Variants in TMEM178B observed in about 807,000 individuals in gnomAD.
TMEM178B encodes the protein transmembrane protein 178B.
TMEM178B carries 5 observed loss-of-function variants against 31.0 expected under a neutral mutation model. The observed-to-expected ratio is 0.16, with a 90% CI of 0.08 to 0.34. TMEM178B has a LOEUF of 0.34. Among genes scored for constraint, TMEM178B ranks in the 10% least tolerant of loss-of-function variants. TMEM178B has a pLI of 1.00. For synonymous variants in TMEM178B, 164 were observed against 164.0 expected, an observed-to-expected ratio of 1.00 and a Z score of 0.00; for missense variants, 275 against 400.3, an observed-to-expected ratio of 0.69 and a Z score of 2.67.
intron 2 of TMEM178B, among the ~76,000 whole-genome samples, chr7:141,396,166 A>G (rs984816940): frequency 5.9e-5 from 9 of 152,136 alleles, no homozygotes; most frequent in African/African-American, 2.2e-4. Context: ...TGGCCATGCC[A>G]TCACAGCAGG....
chr7:141,454,595 C>T (rs1029905765), intron 3 of TMEM178B, among the ~76,000 whole-genome samples: 1 of 137,208 alleles, frequency 7.3e-6, no homozygotes, highest in African/African-American at 3.1e-5. Flanking sequence ...TCTCCTCTCT[C>T]TCCTCTCCTT....
At chr7:141,449,014 A>G (rs1716491423) in intron 3 of TMEM178B, among the ~76,000 whole-genome samples, 2 of 152,142 alleles carry the variant, frequency 1.3e-5, no homozygotes, top group African/African-American at 4.8e-5. Flanking sequence ...GATTCCTCCA[A>G]TAGCCCTTTC....
At chr7:141,481,208 G>A (rs1181647061), downstream of TMEM178B, among the ~76,000 whole-genome samples, 3 of 152,164 alleles carry the variant, frequency 2.0e-5, no homozygotes, top group Non-Finnish European at 4.4e-5. Context: ...CCTCTCTCAG[G>A]CAGTAGCTCT....
At chr7:141,401,556 C>A (rs189487467) in intron 2 of TMEM178B, among the ~76,000 whole-genome samples, 1 of 152,122 alleles carries the variant, frequency 6.6e-6, no homozygotes, top group Non-Finnish European at 1.5e-5. Context: ...GCTGGGACTA[C>A]GGGTGCATGC....
At chr7:141,300,368 A>C (rs138343982) in intron 2 of TMEM178B, among the ~76,000 whole-genome samples, 1 of 152,164 alleles carries the variant, frequency 6.6e-6, no homozygotes, top group Non-Finnish European at 1.5e-5. Context: ...GTGATCAAGC[A>C]ATGGTAGTCC....
Position 141,437,756 on chromosome 7 carries a change from G to GTA in TMEM178B, c.634+11_634+12insTA. On this transcript the variant is annotated intron_variant, in intron 3 of 3. Coordinates refer to ENST00000565468, the MANE Select transcript of TMEM178B (RefSeq NM_001195278.2). ...TCTTCCTCATGGGAGGTAAGGCTAC[G>GTA]GGCTCGGCTTGTGGGTGGCAGTGGA... 1 of 1,535,698 alleles carries GTA rather than the reference G, an allele frequency of 6.5e-7. No individual in the cohort carries two copies. The highest frequency in any genetic ancestry group is 8.7e-7 in the Non-Finnish European group (1 of 1,146,718).
intron 2 of TMEM178B, among the ~76,000 whole-genome samples, chr7:141,264,760 A>C (rs1352589255): frequency 6.6e-6 from 1 of 152,198 alleles, no homozygotes; most frequent in East Asian, 1.9e-4. Flanking sequence ...GTTGGAAATA[A>C]CTTGCTCTGG....
intron 3 of TMEM178B, 22 bp downstream of exon 3, chr7:141,437,767 G>C (rs1319522558): frequency 5.9e-6 from 9 of 1,535,872 alleles, no homozygotes; most frequent in Non-Finnish European, 7.8e-6. Flanking sequence ...GGCTCGGCTT[G>C]TGGGTGGCAG....
At chr7:141,215,338 T>TTATTATTATTA (rs999641567) in intron 2 of TMEM178B, among the ~76,000 whole-genome samples, 2 of 24,928 alleles carry the variant, frequency 8.0e-5, no homozygotes, top group Non-Finnish European at 3.8e-4. Flanking sequence ...ATTATTATTA[T>TTATTATTATTA]TTTTTGAGAT....
At chr7:141,198,557 G>A (rs553105679) in intron 1 of TMEM178B, among the ~76,000 whole-genome samples, 1 of 152,276 alleles carries the variant, frequency 6.6e-6, no homozygotes, top group South Asian at 2.1e-4. Flanking sequence ...GTTTCCCTCT[G>A]GCCTGAGAGC....
At chr7:141,357,734 G>A (rs1799846132) in intron 2 of TMEM178B, among the ~76,000 whole-genome samples, 1 of 152,218 alleles carries the variant, frequency 6.6e-6, no homozygotes, top group African/African-American at 2.4e-5. Context: ...TACTTACAGT[G>A]TGAATAAAGA....
chr7:141,500,231 C>A, the TMEM178B span, among the ~76,000 whole-genome samples: 6 of 151,990 alleles, frequency 3.9e-5, no homozygotes, highest in Non-Finnish European at 8.8e-5. Context: ...ACACAAGATA[C>A]GAGCCCATTG....
At chr7:141,361,317 A>G (rs1799915146) in intron 2 of TMEM178B, among the ~76,000 whole-genome samples, 1 of 152,164 alleles carries the variant, frequency 6.6e-6, no homozygotes, top group Non-Finnish European at 1.5e-5. Flanking sequence ...AGCAACCCAA[A>G]TGGAGCACCA....
chr7:141,351,714 T>G (rs1195415392), intron 2 of TMEM178B, among the ~76,000 whole-genome samples: 1 of 152,220 alleles, frequency 6.6e-6, no homozygotes, highest in African/African-American at 2.4e-5. Context: ...TTACTTTATC[T>G]TCTCATCTCA....
intron 2 of TMEM178B, among the ~76,000 whole-genome samples, chr7:141,405,507 T>TC (rs1322359148): frequency 6.6e-6 from 1 of 152,244 alleles, no homozygotes; most frequent in African/African-American, 2.4e-5. Flanking sequence ...CCCAGCTATC[T>TC]CCCAGGCTGT....
intron 2 of TMEM178B, among the ~76,000 whole-genome samples, chr7:141,345,663 G>A (rs1799606337): frequency 6.6e-6 from 1 of 152,156 alleles, no homozygotes; most frequent in Admixed American, 6.5e-5. Flanking sequence ...TGCAAAAGGA[G>A]ATCTCATGTG....
intron 2 of TMEM178B, among the ~76,000 whole-genome samples, chr7:141,417,636 C>T (rs1230190955): frequency 6.6e-6 from 1 of 152,174 alleles, no homozygotes; most frequent in Non-Finnish European, 1.5e-5. Flanking sequence ...CACCTGTAAA[C>T]TCATCCACTT....
intron 2 of TMEM178B, among the ~76,000 whole-genome samples, chr7:141,306,047 A>G (rs1798810485): frequency 6.6e-6 from 1 of 152,200 alleles, no homozygotes; most frequent in Non-Finnish European, 1.5e-5. Flanking sequence ...ACCACGTAGC[A>G]TCCGGCATGT....
intron 2 of TMEM178B, among the ~76,000 whole-genome samples, chr7:141,230,337 C>A (rs966506156): frequency 6.6e-6 from 1 of 152,126 alleles, no homozygotes; most frequent in African/African-American, 2.4e-5. Context: ...CAAATTTTAC[C>A]TACATTGAAA....
Sources: allele counts gnomAD v4.1 joint callset (sites outside exome capture counted in the v4.1 genomes callset), GRCh38; gene constraint gnomAD v4.1.1; transcripts MANE v1.5; gene names NCBI Gene and HGNC (gene_info 2026-07-23, HGNC 2026-07-21).